The following POFUT3 variants were observed in gnomAD, a reference collection of about 807,000 sequenced individuals.
POFUT3 encodes the protein protein O-fucosyltransferase 3.
chr8:33,438,091 T>C, the POFUT3 span, among the ~76,000 whole-genome samples: 1 of 152,232 alleles, frequency 6.6e-6, no homozygotes, highest in Non-Finnish European at 1.5e-5. Context: ...CTGACGTTTT[T>C]ATACCCATTA....
the POFUT3 span, among the ~76,000 whole-genome samples, chr8:33,317,785 C>T: frequency 2.6e-5 from 4 of 152,032 alleles, no homozygotes; most frequent in Non-Finnish European, 5.9e-5. Flanking sequence ...CTGTAACACA[C>T]CCACTCATCA....
chr8:33,452,491 G>A, the POFUT3 span: 2 of 151,996 alleles, frequency 1.3e-5, no homozygotes, highest in Admixed American at 1.3e-4. Context: ...AAATTTAGTA[G>A]TGGAATTACT....
the POFUT3 span, among the ~76,000 whole-genome samples, chr8:33,383,811 C>G: frequency 6.6e-6 from 1 of 151,948 alleles, no homozygotes; most frequent in South Asian, 2.1e-4. Context: ...AACAACTGCC[C>G]CCTCAGACAG....
At chr8:33,309,454 G>A in the POFUT3 span, among the ~76,000 whole-genome samples, 9 of 151,470 alleles carry the variant, frequency 5.9e-5, no homozygotes, top group Non-Finnish European at 2.9e-5. Context: ...GAGAGTTGAA[G>A]GAGGCTGAGA....
At chr8:33,457,495 C>CA in the POFUT3 span, among the ~76,000 whole-genome samples, 5 of 150,040 alleles carry the variant, frequency 3.3e-5, no homozygotes, top group East Asian at 1.9e-4. Flanking sequence ...GACTCCATCT[C>CA]AAAAAAAACC....
At chr8:33,337,261 C>T in the POFUT3 span, among the ~76,000 whole-genome samples, 1 of 152,152 alleles carries the variant, frequency 6.6e-6, no homozygotes, top group Non-Finnish European at 1.5e-5. Context: ...TTTTTTAAAT[C>T]ATCTAATCTA....
At chr8:33,333,928 G>A in the POFUT3 span, among the ~76,000 whole-genome samples, 2 of 152,222 alleles carry the variant, frequency 1.3e-5, no homozygotes, top group South Asian at 2.1e-4. Context: ...ATTTACTGGG[G>A]CCAGGTTATA....
At chr8:33,433,829 A>T in the POFUT3 span, among the ~76,000 whole-genome samples, 1 of 151,680 alleles carries the variant, frequency 6.6e-6, no homozygotes, top group Non-Finnish European at 1.5e-5. Flanking sequence ...TTAACTAGGC[A>T]TGGTGGTATG....
At chr8:33,465,703 A>T in the POFUT3 span, among the ~76,000 whole-genome samples, 1 of 151,950 alleles carries the variant, frequency 6.6e-6, no homozygotes, top group Non-Finnish European at 1.5e-5. Context: ...ATTATCTTGA[A>T]CACCTCAAAT....
At chr8:33,389,721 G>C in the POFUT3 span, 1 of 1,614,130 alleles carries the variant, frequency 6.2e-7, no homozygotes, top group Non-Finnish European at 8.5e-7. Context: ...TTGTTTTTCG[G>C]GGACTCTTCA....
chr8:33,317,358 G>T, the POFUT3 span, among the ~76,000 whole-genome samples: 1 of 152,044 alleles, frequency 6.6e-6, no homozygotes, highest in Non-Finnish European at 1.5e-5. Flanking sequence ...TTCTTGAGGG[G>T]TCTGAAGGAA....
At chr8:33,309,183 TATATATATATATATATAC>T in the POFUT3 span, among the ~76,000 whole-genome samples, 21 of 108,226 alleles carry the variant, frequency 1.9e-4, 1 homozygote, top group African/African-American at 4.8e-4. Context: ...TATATATATA[TATATATATATATATATAC>T]ACACACATAT....
the POFUT3 span, among the ~76,000 whole-genome samples, chr8:33,341,183 C>T: frequency 2.0e-5 from 3 of 152,004 alleles, no homozygotes; most frequent in Admixed American, 6.6e-5. Context: ...CACCTGTAAT[C>T]CCAGCACTTT....
At chr8:33,455,909 A>G in the POFUT3 span, 2 of 430,452 alleles carry the variant, frequency 4.6e-6, no homozygotes, top group Non-Finnish European at 9.1e-6. Context: ...AAAAGAAAAA[A>G]AAAAAAAACC....
chr8:33,436,458 A>G, the POFUT3 span: 3 of 1,433,960 alleles, frequency 2.1e-6, no homozygotes, highest in South Asian at 2.3e-5. Flanking sequence ...TGTTGCCCAC[A>G]TGCAACTTGG....
chr8:33,389,751 G>A, the POFUT3 span: 1 of 1,614,126 alleles, frequency 6.2e-7, no homozygotes, highest in South Asian at 1.1e-5. Context: ...GCCCAGTCAT[G>A]ATGGGCTTTC....
chr8:33,365,878 C>A, the POFUT3 span, among the ~76,000 whole-genome samples: 4 of 152,162 alleles, frequency 2.6e-5, no homozygotes, highest in Non-Finnish European at 5.9e-5. Flanking sequence ...ACTAGAATTG[C>A]CATTTGACCC....
At chr8:33,311,144 A>G in the POFUT3 span, among the ~76,000 whole-genome samples, 26 of 152,274 alleles carry the variant, frequency 1.7e-4, no homozygotes, top group South Asian at 5.4e-3. Flanking sequence ...TTTATTTGCT[A>G]TTACATCCTC....
At chr8:33,310,061 G>A in the POFUT3 span, among the ~76,000 whole-genome samples, 15 of 152,144 alleles carry the variant, frequency 9.9e-5, no homozygotes, top group Admixed American at 9.8e-4. Flanking sequence ...CTGAAATGTA[G>A]CATATTGTGA....
Sources: gnomAD v4.1 joint callset for allele counts (sites outside exome capture counted in the v4.1 genomes callset) on GRCh38, gnomAD v4.1.1 for gene constraint, MANE v1.5 for transcripts, NCBI Gene and HGNC (gene_info 2026-07-23, HGNC 2026-07-21) for gene names.